The following TLE7 variants were observed in gnomAD, a reference collection of about 807,000 sequenced individuals.
TLE7 encodes transducin-like enhancer protein 7.
At chr16:71,439,898 C>A (rs1221205934) in intron 1 of TLE7, among the ~76,000 whole-genome samples, 1 of 152,202 alleles carries the variant, frequency 6.6e-6, no homozygotes, top group East Asian at 1.9e-4. Context: ...TTAAACATTT[C>A]TTGGACACCA....
chr16:71,436,305 T>A (rs1305456767), intron 1 of TLE7, among the ~76,000 whole-genome samples: 1 of 152,158 alleles, frequency 6.6e-6, no homozygotes, highest in Non-Finnish European at 1.5e-5. Context: ...GTGCTGCTGC[T>A]TTTAAACGTG....
At chr16:71,440,151 A>T (rs1438878234) in intron 1 of TLE7, among the ~76,000 whole-genome samples, 1 of 152,268 alleles carries the variant, frequency 6.6e-6, no homozygotes, top group East Asian at 1.9e-4. Context: ...ACAAAAGGCC[A>T]GTCCTTAGAG....
intron 8 of TLE7, among the ~76,000 whole-genome samples, 171 bp from the exon 9 acceptor site, chr16:71,430,912 A>C (rs889066447): frequency 2.6e-5 from 4 of 152,034 alleles, no homozygotes; most frequent in African/African-American, 9.7e-5. Flanking sequence ...CCTACCACAC[A>C]CAAGATCATG....
rs546371486 is a variant in TLE7 at position 71,433,064 on chromosome 16, G to A, written c.261C>T (p.Ala87=). The change falls in exon 2 of 10, where the codon GCC becomes GCT. Residue 87 remains alanine, a synonymous_variant. Coordinates refer to ENST00000561754, the MANE Select transcript of TLE7 (RefSeq NM_001367365.2). The part of the protein sequence containing the change: ...LQGLGRSELQ[A]AGLPDAQPGE... ...CTGGTTGTGCATCAGGGAGCCCAGCGGCCTGGAGCTCAGATCTACCCAGGC... is the reference window on the plus strand; with the variant it reads ...CTGGTTGTGCATCAGGGAGCCCAGCAGCCTGGAGCTCAGATCTACCCAGGC... 36 of 398,644 alleles carry A rather than the reference G, an allele frequency of 9.0e-5. No homozygotes were observed. Among genetic ancestry groups the A allele is most frequent in the Admixed American group, 7.5e-4 (17 of 22,726 alleles). 24.7% of individuals were successfully genotyped at this position (398,644 alleles called of 1,614,324 possible).
At chr16:71,437,461 G>GAAGAA (rs1555529865) in intron 1 of TLE7, among the ~76,000 whole-genome samples, 1 of 150,618 alleles carries the variant, frequency 6.6e-6, no homozygotes, top group East Asian at 2.0e-4. Flanking sequence ...GAAAGAGAAG[G>GAAGAA]GAGAAGAGAA....
chr16:71,441,753 C>T (rs2042849561), intron 1 of TLE7, among the ~76,000 whole-genome samples: 2 of 152,356 alleles, frequency 1.3e-5, no homozygotes, highest in Middle Eastern at 3.4e-3. Context: ...AGGCCAGAGC[C>T]GAGGCCCAGG....
At chr16:71,436,168 G>A (rs1186143283) in intron 1 of TLE7, among the ~76,000 whole-genome samples, 1 of 152,096 alleles carries the variant, frequency 6.6e-6, no homozygotes, top group Non-Finnish European at 1.5e-5. Flanking sequence ...CACCTCTGAA[G>A]GAAGAAGGTC....
chr16:71,437,017 C>A (rs930054146), intron 1 of TLE7, among the ~76,000 whole-genome samples: 3 of 151,998 alleles, frequency 2.0e-5, no homozygotes, highest in African/African-American at 7.3e-5. Flanking sequence ...AAGTCAGGAC[C>A]AGCCTGTCCA....
intron 1 of TLE7, among the ~76,000 whole-genome samples, chr16:71,438,327 G>A (rs990434399): frequency 2.0e-5 from 3 of 151,192 alleles, no homozygotes; most frequent in Non-Finnish European, 4.4e-5. Flanking sequence ...TACTCAGGAG[G>A]CTGAGGCAGG....
intron 1 of TLE7, among the ~76,000 whole-genome samples, chr16:71,436,225 T>C (rs1400207752): frequency 1.3e-5 from 2 of 152,068 alleles, no homozygotes; most frequent in Admixed American, 1.3e-4. Flanking sequence ...CAGCCAGGCA[T>C]AAGAATCCCC....
chr16:71,433,345 T>C lies in TLE7; in HGVS notation c.-21A>G, dbSNP rs1469857819. On this transcript the variant is annotated 5_prime_UTR_variant, in exon 2 of 10. Coordinates refer to ENST00000561754, the MANE Select transcript of TLE7 (RefSeq NM_001367365.2). ...CTCATGTTCTTAGATCAGTGAGGTG[T>C]CTGGACCACCCGGTTCTAGGACTTG... 1 of 398,526 alleles carries C rather than the reference T, an allele frequency of 2.5e-6. No individual in the cohort carries two copies. The highest frequency in any genetic ancestry group is 4.4e-6 in the Non-Finnish European group (1 of 226,112). The allele number at this position is 398,526 out of a possible 1,614,324, so 24.7% of individuals were successfully genotyped here.
At chr16:71,436,550 G>A (rs527475631) in intron 1 of TLE7, among the ~76,000 whole-genome samples, 2 of 152,322 alleles carry the variant, frequency 1.3e-5, no homozygotes, top group East Asian at 3.9e-4. Flanking sequence ...AGGGGGATAC[G>A]TCTTTGGACT....
intron 1 of TLE7, among the ~76,000 whole-genome samples, chr16:71,441,451 C>T (rs1247335871): frequency 6.6e-6 from 1 of 152,240 alleles, no homozygotes; most frequent in Non-Finnish European, 1.5e-5. Flanking sequence ...CGCGGCCGGG[C>T]TTGCTAGGTT....
intron 1 of TLE7, among the ~76,000 whole-genome samples, chr16:71,441,620 C>T (rs979623105): frequency 6.6e-6 from 1 of 152,222 alleles, no homozygotes; most frequent in East Asian, 1.9e-4. Flanking sequence ...GCAGCGAGCG[C>T]GCCGGCCGCC....
Position 71,438,957 on chromosome 16 carries a change from G to A in TLE7, c.-97+3012C>T, listed in dbSNP as rs112657328. ...ACAACCAGGGTAAAGTTGATTCCAC[G>A]CAGAGAAAGCAAACAGGGCTAATGA... is the stretch of plus-strand genomic sequence containing the variant. On this transcript the variant is annotated intron_variant, in intron 1 of 9. Transcript: ENST00000561754. Among the ~76,000 whole-genome samples, 12 of 152,238 alleles carry A rather than the reference G, an allele frequency of 7.9e-5. No homozygotes were observed. In the South Asian group the frequency reaches 8.3e-4, roughly 11 times the overall value.
chr16:71,433,717 T>C (rs1019106300), intron 1 of TLE7, among the ~76,000 whole-genome samples: 12 of 152,226 alleles, frequency 7.9e-5, no homozygotes, highest in African/African-American at 2.9e-4. Flanking sequence ...CCCAGCTCTT[T>C]GGGAGGCTGA....
intron 1 of TLE7, among the ~76,000 whole-genome samples, chr16:71,439,216 G>C (rs754009590): frequency 2.0e-5 from 3 of 152,168 alleles, no homozygotes; most frequent in African/African-American, 7.2e-5. Flanking sequence ...TAAAGGGGTG[G>C]GGTGTGTGAG....
chr16:71,437,474 G>T (rs1158377056), intron 1 of TLE7, among the ~76,000 whole-genome samples: 1 of 151,148 alleles, frequency 6.6e-6, no homozygotes, highest in Non-Finnish European at 1.5e-5. Context: ...GAAGAGAAGA[G>T]AAGAGAAGAG....
Position 71,432,129 on chromosome 16 carries a change from C to T in TLE7, c.590G>A (p.Arg197Gln), listed in dbSNP as rs1460602296. Residue 197 changes from arginine (R) to glutamine (Q), a missense_variant, in exon 5 of 10, where the codon CGG becomes CAG. By Grantham distance (43) the Arg-to-Gln change is conservative. Transcript: ENST00000561754. ...CCTCACCTGCAAGTCCAGCTGGGCCCGAGGGGCCTTCTCCCCCGCATGCAG... is the reference window on the plus strand; with the variant it reads ...CCTCACCTGCAAGTCCAGCTGGGCCTGAGGGGCCTTCTCCCCCGCATGCAG... ...SALHAGEKAPRAQLDLQHPQD... is the reference protein window; with the variant it reads ...SALHAGEKAPQAQLDLQHPQD... 1.5e-5 allele frequency: 6 copies of T among 400,946 alleles called. No individual in the cohort carries two copies. Among genetic ancestry groups the T allele is most frequent in the Admixed American group, 8.8e-5 (2 of 22,714 alleles). 24.8% of individuals were successfully genotyped at this position (400,946 alleles called of 1,614,324 possible). A position where few individuals can be genotyped will look rare whatever the true frequency, so the allele number is the denominator to read the frequency against.
Sources: allele counts gnomAD v4.1 joint callset (sites outside exome capture counted in the v4.1 genomes callset), GRCh38; gene constraint gnomAD v4.1.1; transcripts MANE v1.5; gene names NCBI Gene and HGNC (gene_info 2026-07-23, HGNC 2026-07-21).